Variants in DCDC1 observed in about 807,000 individuals in gnomAD.
DCDC1 encodes doublecortin domain-containing protein 1.
In DCDC1, 200 loss-of-function variants were observed where a neutral mutation model predicts 178.3. The ratio of observed to expected loss-of-function variants is 1.12; its 90% CI spans 1.00 to 1.26. The LOEUF (loss-of-function observed/expected upper bound fraction) is 1.26. Ranked by LOEUF, DCDC1 falls within the 50% of genes most tolerant of loss-of-function variation. The pLI, the probability that DCDC1 is intolerant of heterozygous loss-of-function variation, is 0.00. For missense variants in DCDC1, 1,983 were observed against 1,749.2 expected (o/e 1.13, Z -2.38); for synonymous variants, 690 against 604.8 (o/e 1.14, Z -2.07).
intron 20 of DCDC1, among the ~76,000 whole-genome samples, chr11:31,048,811 T>G (rs1412200796): frequency 1.3e-5 from 2 of 152,036 alleles, no homozygotes; most frequent in Non-Finnish European, 2.9e-5. Context: ...CCGCTGAGAT[T>G]GCGCCACTGC....
intron 9 of DCDC1, among the ~76,000 whole-genome samples, chr11:31,230,676 C>G (rs1184875695): frequency 6.6e-6 from 1 of 152,156 alleles, no homozygotes; most frequent in Non-Finnish European, 1.5e-5. Context: ...CACATGCTAT[C>G]TCAAAGAATT....
At chr11:31,011,815 A>G (rs1474565495) in intron 20 of DCDC1, among the ~76,000 whole-genome samples, 1 of 152,246 alleles carries the variant, frequency 6.6e-6, no homozygotes, top group Non-Finnish European at 1.5e-5. Flanking sequence ...TAAAACTAGT[A>G]ATAAACATAT....
At chr11:31,279,983 C>T (rs1320702322) in intron 7 of DCDC1, among the ~76,000 whole-genome samples, 1 of 151,800 alleles carries the variant, frequency 6.6e-6, no homozygotes, top group Non-Finnish European at 1.5e-5. Context: ...ATCAATTTTG[C>T]CTGCCTAAAA....
intron 22 of DCDC1, 140 bp downstream of exon 22, chr11:30,931,631 T>C (rs1354103610): frequency 2.2e-5 from 19 of 858,916 alleles, no homozygotes; most frequent in South Asian, 4.5e-5. Context: ...CTAGTCTCTA[T>C]TTTCATCTTC....
chr11:31,250,421 C>CATATACATATACATATAT (rs1943920511), intron 8 of DCDC1, among the ~76,000 whole-genome samples: 1 of 52,868 alleles, frequency 1.9e-5, no homozygotes, highest in African/African-American at 5.1e-5. Context: ...CACACATATA[C>CATATACATATACATATAT]ATATATATGT....
intron 11 of DCDC1, among the ~76,000 whole-genome samples, chr11:31,121,116 AT>A (rs1267895951): frequency 6.6e-6 from 1 of 152,126 alleles, no homozygotes; most frequent in African/African-American, 2.4e-5. Flanking sequence ...GATGGTGCAC[AT>A]TGAGTGTAAC....
chr11:31,331,158 A>AG (rs1366529695), intron 2 of DCDC1, among the ~76,000 whole-genome samples: 1 of 152,152 alleles, frequency 6.6e-6, no homozygotes, highest in Non-Finnish European at 1.5e-5. Context: ...GCAATTGTGA[A>AG]GGGGAGTTCA....
chr11:31,341,406 GATAGATAGA>G (rs1420025825), intron 1 of DCDC1, among the ~76,000 whole-genome samples: 1 of 144,790 alleles, frequency 6.9e-6, no homozygotes, highest in East Asian at 1.9e-4. Context: ...TAGATAGATA[GATAGATAGA>G]TAGATAGATA....
chr11:31,062,128 A>G (rs1048145978), intron 20 of DCDC1, among the ~76,000 whole-genome samples: 2 of 152,104 alleles, frequency 1.3e-5, no homozygotes, highest in Non-Finnish European at 2.9e-5. Context: ...CAAACCCCAT[A>G]TATGTTTCAG....
At chr11:31,153,553 C>G (rs928759468) in intron 9 of DCDC1, among the ~76,000 whole-genome samples, 1 of 152,016 alleles carries the variant, frequency 6.6e-6, no homozygotes, top group South Asian at 2.1e-4. Flanking sequence ...GAGGCCGAGG[C>G]GGGCGGATCA....
At chr11:31,077,748 G>A in intron 18 of DCDC1, 117 bp downstream of exon 18, 4 of 557,520 alleles carry the variant, frequency 7.2e-6, no homozygotes, top group South Asian at 5.0e-5. Context: ...TAGGTACAGA[G>A]TGAAGTCATA....
Position 31,045,649 on chromosome 11 carries a change from AGG to A in DCDC1, c.2591+18818_2591+18819del, listed in dbSNP as rs1224671248. ...AGTTCTAATGGTACCATTCTTTCAG[AGG>A]TTCAAGATAACTGTTCCTAGTTTTT... On this transcript the variant is annotated intron_variant, in intron 20 of 38. Coordinates refer to ENST00000684477, the MANE Select transcript of DCDC1 (RefSeq NM_001387274.1). Among the ~76,000 whole-genome samples the A allele has an allele frequency of 6.3e-4, 96 of 152,268 alleles. 2 individuals are homozygous for A. The South Asian group carries it at 0.019, about 31-fold the overall frequency.
At chr11:31,304,446 A>G (rs1443312064) in intron 6 of DCDC1, among the ~76,000 whole-genome samples, 1 of 152,170 alleles carries the variant, frequency 6.6e-6, no homozygotes, top group African/African-American at 2.4e-5. Context: ...AACTTAAAGC[A>G]AAATGTGAAA....
chr11:31,080,060 A>G (rs907911666), intron 17 of DCDC1, among the ~76,000 whole-genome samples: 1 of 152,184 alleles, frequency 6.6e-6, no homozygotes, highest in Non-Finnish European at 1.5e-5. Context: ...CAACTTCAGC[A>G]TTAGGTGGGG....
At chr11:31,114,049 C>T (rs1959460742) in intron 11 of DCDC1, among the ~76,000 whole-genome samples, 1 of 152,138 alleles carries the variant, frequency 6.6e-6, no homozygotes, top group Non-Finnish European at 1.5e-5. Flanking sequence ...ACGATAAGGT[C>T]AACAGGCAGT....
At chr11:31,218,989 G>A (rs1973917365) in intron 9 of DCDC1, among the ~76,000 whole-genome samples, 1 of 152,142 alleles carries the variant, frequency 6.6e-6, no homozygotes. Flanking sequence ...TGAAGAAACA[G>A]TGAAGGAGTG....
intron 15 of DCDC1, among the ~76,000 whole-genome samples, chr11:31,101,428 T>A (rs1958496986): frequency 6.6e-6 from 1 of 152,164 alleles, no homozygotes; most frequent in Non-Finnish European, 1.5e-5. Flanking sequence ...GATATGGACC[T>A]TCAGGATTGG....
At chr11:31,280,313 T>C (rs1946331684) in intron 7 of DCDC1, among the ~76,000 whole-genome samples, 1 of 152,198 alleles carries the variant, frequency 6.6e-6, no homozygotes, top group Non-Finnish European at 1.5e-5. Flanking sequence ...TATTTAAATA[T>C]ATTCACATAA....
At chr11:31,263,214 T>G (rs1344956310) in intron 8 of DCDC1, 14 of 732,396 alleles carry the variant, frequency 1.9e-5, no homozygotes, top group Admixed American at 9.5e-5. Context: ...TAATTCCAGG[T>G]GAACTGGAAA....
Sources: allele counts gnomAD v4.1 joint callset (sites outside exome capture counted in the v4.1 genomes callset), GRCh38; gene constraint gnomAD v4.1.1; transcripts MANE v1.5; gene names NCBI Gene and HGNC (gene_info 2026-07-23, HGNC 2026-07-21).